Variants in WDR70 observed in about 807,000 individuals in gnomAD.
The protein encoded by WDR70 is WD repeat-containing protein 70.
Under a neutral mutation model 88.6 loss-of-function variants are expected in WDR70, and 53 were observed. The observed-to-expected ratio is 0.60, with a 90% CI of 0.48 to 0.75. WDR70 has a LOEUF of 0.75. Ranked by LOEUF, WDR70 falls within the 30% of genes least tolerant of loss-of-function variation. The pLI, the probability that WDR70 is intolerant of heterozygous loss-of-function variation, is 0.00. For missense variants in WDR70, 610 were observed against 823.2 expected, an observed-to-expected ratio of 0.74 and a Z score of 3.17; for synonymous variants, 280 against 270.0, an observed-to-expected ratio of 1.04 and a Z score of -0.36.
At chr5:37,605,031 T>TA (rs760817580) in intron 9 of WDR70, 33 bp from the exon 10 acceptor site, 64 of 1,493,832 alleles carry the variant, frequency 4.3e-5, no homozygotes, top group Middle Eastern at 3.9e-4. Flanking sequence ...TTTTTTTTTT[T>TA]AAATAAATGA....
In WDR70 at chr5:37,542,936, C is replaced by T. The variant is rs192557205; in HGVS notation, c.917+26346C>T. On this transcript the variant is annotated intron_variant, in intron 9 of 17. Coordinates refer to ENST00000265107, the MANE Select transcript of WDR70 (RefSeq NM_018034.4). ...GGGCCATCTCTGTTTATTCACCCCA[C>T]GAATCTGAGCTTGTCAACAAAAAGT... Among the ~76,000 whole-genome samples, 27 of 152,290 alleles carry T rather than the reference C, an allele frequency of 1.8e-4. 1 individual carries two copies. In the East Asian group the frequency reaches 4.0e-3, roughly 23 times the overall value.
chr5:37,743,960 C>CT (rs1281430644), intron 17 of WDR70, among the ~76,000 whole-genome samples: 1 of 152,214 alleles, frequency 6.6e-6, no homozygotes. Context: ...TGCCACCCAA[C>CT]TGGGTGAGAC....
chr5:37,389,225 TG>T (rs1464048613), intron 3 of WDR70, among the ~76,000 whole-genome samples: 1 of 150,330 alleles, frequency 6.7e-6, no homozygotes, highest in Non-Finnish European at 1.5e-5. Flanking sequence ...CCCGAGTAGC[TG>T]GGACTACAGG....
At chr5:37,555,460 G>T (rs534824869) in intron 9 of WDR70, among the ~76,000 whole-genome samples, 1 of 152,170 alleles carries the variant, frequency 6.6e-6, no homozygotes, top group Admixed American at 6.5e-5. Context: ...ATATCTAAAA[G>T]CAGTATAACA....
intron 10 of WDR70, among the ~76,000 whole-genome samples, chr5:37,679,720 A>C (rs1041585649): frequency 2.6e-5 from 4 of 152,234 alleles, no homozygotes; most frequent in Non-Finnish European, 5.9e-5. Context: ...GCCCGTTCTC[A>C]GATCTCCAGC....
chr5:37,482,466 T>A (rs1204862570), intron 8 of WDR70, among the ~76,000 whole-genome samples: 1 of 152,170 alleles, frequency 6.6e-6, no homozygotes. Context: ...AACTCCCATT[T>A]ATAAAACCAT....
At chr5:37,602,001 T>A (rs906278155) in intron 9 of WDR70, among the ~76,000 whole-genome samples, 1 of 139,114 alleles carries the variant, frequency 7.2e-6, no homozygotes. Flanking sequence ...TTCTCACTCA[T>A]AAGTGGGAGT....
chr5:37,708,879 C>CT (rs1486967476), intron 13 of WDR70, among the ~76,000 whole-genome samples: 1 of 152,150 alleles, frequency 6.6e-6, no homozygotes, highest in African/African-American at 2.4e-5. Flanking sequence ...GATACTATGC[C>CT]TGTGAAAGTT....
At chr5:37,550,816 T>A (rs998585322) in intron 9 of WDR70, among the ~76,000 whole-genome samples, 1 of 152,102 alleles carries the variant, frequency 6.6e-6, no homozygotes, top group Non-Finnish European at 1.5e-5. Context: ...TTCTCTTCCT[T>A]CCTTTCTTTC....
intron 8 of WDR70, among the ~76,000 whole-genome samples, chr5:37,490,653 T>TA (rs1196516775): frequency 6.6e-6 from 1 of 151,874 alleles, no homozygotes; most frequent in Non-Finnish European, 1.5e-5. Context: ...AGCCTGCCCT[T>TA]AGAGCATGTG....
intron 9 of WDR70, among the ~76,000 whole-genome samples, chr5:37,517,880 ATTAT>A (rs1031762450): frequency 8.8e-5 from 13 of 147,026 alleles, no homozygotes; most frequent in South Asian, 2.1e-4. Context: ...TATATTATAT[ATTAT>A]TTATTTATTA....
chr5:37,660,797 C>T (rs537269041), intron 10 of WDR70, among the ~76,000 whole-genome samples: 1 of 152,018 alleles, frequency 6.6e-6, no homozygotes, highest in South Asian at 2.1e-4. Flanking sequence ...TATGTGACTA[C>T]AGTTGGCCCA....
At chr5:37,486,535 G>A (rs1346046801) in intron 8 of WDR70, among the ~76,000 whole-genome samples, 2 of 151,940 alleles carry the variant, frequency 1.3e-5, no homozygotes, top group African/African-American at 4.8e-5. Context: ...AGTAGACACG[G>A]GGTTTCGCCA....
intron 7 of WDR70, among the ~76,000 whole-genome samples, chr5:37,444,162 TA>T (rs982341333): frequency 4.8e-5 from 7 of 144,656 alleles, no homozygotes; most frequent in Non-Finnish European, 6.1e-5. Flanking sequence ...ACAAAAAAAT[TA>T]AAAAAAAAAC....
intron 9 of WDR70, among the ~76,000 whole-genome samples, chr5:37,523,615 A>G (rs1231550612): frequency 1.3e-5 from 2 of 152,246 alleles, no homozygotes. Flanking sequence ...CAGCAATGGA[A>G]CAAAGGTGGA....
chr5:37,723,841 T>G (rs1391562993), intron 15 of WDR70: 1 of 152,174 alleles, frequency 6.6e-6, no homozygotes, highest in Non-Finnish European at 1.5e-5. Flanking sequence ...AAAAGCTATT[T>G]TCCCCCTCCT....
intron 12 of WDR70, among the ~76,000 whole-genome samples, chr5:37,702,236 A>G (rs530538359): frequency 3.3e-5 from 5 of 152,330 alleles, no homozygotes; most frequent in Non-Finnish European, 7.3e-5. Context: ...GCTGATGATA[A>G]TTTTTTGAGC....
chr5:37,401,391 C>T (rs1019806722), intron 5 of WDR70, among the ~76,000 whole-genome samples: 1 of 150,536 alleles, frequency 6.6e-6, no homozygotes, highest in African/African-American at 2.4e-5. Flanking sequence ...TCTCGGCTCA[C>T]TGCAACCTCC....
chr5:37,389,025 C>T (rs1334541940), intron 3 of WDR70, among the ~76,000 whole-genome samples: 1 of 151,846 alleles, frequency 6.6e-6, no homozygotes, highest in African/African-American at 2.4e-5. Context: ...GCTGCTGCCA[C>T]CCCCCGAGGT....
Sources: gnomAD v4.1 joint callset for allele counts (sites outside exome capture counted in the v4.1 genomes callset) on GRCh38, gnomAD v4.1.1 for gene constraint, MANE v1.5 for transcripts, NCBI Gene and HGNC (gene_info 2026-07-23, HGNC 2026-07-21) for gene names.